The following RBM6 variants were observed in gnomAD, a reference collection of about 807,000 sequenced individuals.
RBM6 encodes RNA binding motif protein 6.
Under a neutral mutation model 140.4 loss-of-function variants are expected in RBM6, and 23 were observed. The observed-to-expected ratio is 0.16, with a 90% CI of 0.12 to 0.23. The LOEUF is 0.23. RBM6 is among the 10% of genes least tolerant of loss of function. The pLI, the probability that RBM6 is intolerant of heterozygous loss-of-function variation, is 1.00. For missense variants in RBM6, 1,139 were observed against 1,386.7 expected, an observed-to-expected ratio of 0.82 and a Z score of 2.84; for synonymous variants, 439 against 475.6, an observed-to-expected ratio of 0.92 and a Z score of 1.00.
chr3:50,063,634 C>T (rs946384828), intron 15 of RBM6, among the ~76,000 whole-genome samples: 2 of 150,758 alleles, frequency 1.3e-5, no homozygotes, highest in Non-Finnish European at 2.9e-5. Flanking sequence ...GGCATGGTGG[C>T]TCATGCCTGT....
chr3:50,001,776 A>G (rs1165646364), intron 6 of RBM6, among the ~76,000 whole-genome samples: 1 of 152,078 alleles, frequency 6.6e-6, no homozygotes, highest in Non-Finnish European at 1.5e-5. Flanking sequence ...TTTTGAGAAC[A>G]CTCATTAATT....
Position 49,986,973 on chromosome 3 carries a change from G to A in RBM6, c.1483+11581G>A, listed in dbSNP as rs2085592754. On this transcript the variant is annotated intron_variant, in intron 5 of 20. Coordinates refer to ENST00000266022, the MANE Select transcript of RBM6 (RefSeq NM_005777.3). Reference sequence around the variant, plus strand: ...ATTATTTTGTATTTTTTGTAGAGACGAGGTTTTGCCATGTTGCCCAGGCTG... The same window carrying A: ...ATTATTTTGTATTTTTTGTAGAGACAAGGTTTTGCCATGTTGCCCAGGCTG... Among the ~76,000 whole-genome samples the A allele has an allele frequency of 2.0e-5, 3 of 152,090 alleles. No individual in the cohort carries two copies. The East Asian group carries it at 5.8e-4, about 30-fold the overall frequency.
intron 5 of RBM6, among the ~76,000 whole-genome samples, chr3:49,978,451 A>G (rs1218467260): frequency 5.9e-5 from 9 of 152,208 alleles, no homozygotes; most frequent in African/African-American, 2.2e-4. Flanking sequence ...GGGCTGATCT[A>G]TAACACAGGA....
chr3:50,060,900 A>T, intron 11 of RBM6, 56 bp from the exon 12 acceptor site: 1 of 1,501,836 alleles, frequency 6.7e-7, no homozygotes, highest in Non-Finnish European at 8.9e-7. Context: ...AGGATTAAGT[A>T]CTCGTCAAAT....
intron 6 of RBM6, among the ~76,000 whole-genome samples, chr3:50,008,220 A>G (rs1299788682): frequency 6.6e-6 from 1 of 152,206 alleles, no homozygotes; most frequent in Non-Finnish European, 1.5e-5. Context: ...ATAAACATTT[A>G]TCATTTGGCA....
intron 7 of RBM6, among the ~76,000 whole-genome samples, chr3:50,052,933 G>A (rs1262174385): frequency 1.3e-5 from 2 of 151,882 alleles, no homozygotes; most frequent in Admixed American, 6.6e-5. Flanking sequence ...AATGGAGAGA[G>A]GAAGTATACT....
chr3:49,982,809 C>T (rs192717458), intron 5 of RBM6, among the ~76,000 whole-genome samples: 1 of 152,014 alleles, frequency 6.6e-6, no homozygotes, highest in East Asian at 1.9e-4. Context: ...TCTCTGCCTC[C>T]TGAGTTCAAT....
Position 50,021,740 on chromosome 3 carries a change from C to CTTTTTTTTT in RBM6, c.1557+22249_1557+22257dup, listed in dbSNP as rs542734328. Among the ~76,000 whole-genome samples the CTTTTTTTTT allele has an allele frequency of 7.4e-3, 317 of 42,758 alleles. 77 individuals carry two copies. The highest frequency in any genetic ancestry group is 0.011 in the East Asian group (13 of 1,146). 28.1% of individuals were successfully genotyped at this position (42,758 alleles called of 152,430 possible). On this transcript the variant is annotated intron_variant, in intron 6 of 20. Transcript: ENST00000266022. ...ATCTCCATACTGAGGAATTTAAGTG[C>CTTTTTTTTT]TTTTTTTTTTTTTTTTTTTTTTTTT...
intron 7 of RBM6, among the ~76,000 whole-genome samples, chr3:50,048,891 C>T (rs1399774708): frequency 1.3e-5 from 2 of 152,174 alleles, no homozygotes; most frequent in East Asian, 3.8e-4. Flanking sequence ...CAACCTCTGG[C>T]TCCTGGGTTC....
At chr3:50,074,986 GA>G (rs908213122) in intron 19 of RBM6, among the ~76,000 whole-genome samples, 38 of 142,344 alleles carry the variant, frequency 2.7e-4, no homozygotes, top group Admixed American at 4.2e-4. Flanking sequence ...TGTCTCTACT[GA>G]AAAAAAAAAA....
intron 7 of RBM6, among the ~76,000 whole-genome samples, chr3:50,052,945 A>C (rs1246030411): frequency 6.7e-6 from 1 of 150,128 alleles, no homozygotes; most frequent in African/African-American, 2.5e-5. Context: ...AAGTATACTC[A>C]CCCTGTGGGA....
At chr3:49,995,200 A>AGACGTGAAATTTGTTACCTTTATAGAT in intron 5 of RBM6, among the ~76,000 whole-genome samples, 1 of 152,178 alleles carries the variant, frequency 6.6e-6, no homozygotes, top group Non-Finnish European at 1.5e-5. Context: ...AAGATAGAGA[A>AGACGTGAAATTTGTTACCTTTATAGAT]GACGTGAAAT....
chr3:50,061,646 C>T, intron 14 of RBM6, 99 bp downstream of exon 14: 1 of 1,491,254 alleles, frequency 6.7e-7, no homozygotes, highest in Non-Finnish European at 8.8e-7. Flanking sequence ...GATTTTATTC[C>T]CTGGATTCTC....
At position 50,029,814 on chromosome 3, in the gene RBM6, G is replaced by C. The variant is rs571642044; in HGVS notation, c.1558-18431G>C. 9.9e-5 allele frequency among the ~76,000 whole-genome samples: 15 copies of C among 152,264 alleles called. No individual in the cohort carries two copies. In the South Asian group the frequency reaches 2.9e-3, roughly 29 times the overall value. ...GAGGCAGGAGGATTGCTTGAGCCCA[G>C]GAGTTCAAGACCAGCCTGGGCAACA... On this transcript the variant is annotated intron_variant, in intron 6 of 20. Transcript: ENST00000266022.
intron 6 of RBM6, among the ~76,000 whole-genome samples, chr3:50,025,820 G>A (rs1476195592): frequency 1.3e-5 from 2 of 151,774 alleles, no homozygotes; most frequent in East Asian, 3.9e-4. Context: ...AGGTATCAGG[G>A]TTACAGCAGT....
intron 5 of RBM6, among the ~76,000 whole-genome samples, chr3:49,982,096 A>C (rs2085329226): frequency 6.6e-6 from 1 of 152,108 alleles, no homozygotes; most frequent in Non-Finnish European, 1.5e-5. Context: ...GTCAGTGTTC[A>C]TGTGGTGAAT....
chr3:49,973,980 C>G (rs563275598), intron 4 of RBM6, among the ~76,000 whole-genome samples: 1 of 152,214 alleles, frequency 6.6e-6, no homozygotes, highest in African/African-American at 2.4e-5. Flanking sequence ...TCACTGCAAC[C>G]TCCGCCTCTC....
At chr3:49,982,346 AGT>A (rs2085348611) in intron 5 of RBM6, among the ~76,000 whole-genome samples, 1 of 137,768 alleles carries the variant, frequency 7.3e-6, no homozygotes, top group Non-Finnish European at 1.5e-5. Context: ...CCTGTCAAGC[AGT>A]CCTCCCACCT....
At chr3:50,020,782 A>C (rs2087436803) in intron 6 of RBM6, among the ~76,000 whole-genome samples, 2 of 152,214 alleles carry the variant, frequency 1.3e-5, no homozygotes, top group Admixed American at 1.3e-4. Flanking sequence ...ATTGTATATG[A>C]TAGGCAGTTG....
Sources: gnomAD v4.1 joint callset for allele counts (sites outside exome capture counted in the v4.1 genomes callset) on GRCh38, gnomAD v4.1.1 for gene constraint, MANE v1.5 for transcripts, NCBI Gene and HGNC (gene_info 2026-07-23, HGNC 2026-07-21) for gene names.